Variants in SLC24A3 observed in about 807,000 individuals in gnomAD.
SLC24A3 encodes the protein sodium/potassium/calcium exchanger 3.
In SLC24A3, 28 loss-of-function variants were observed where a neutral mutation model predicts 75.8. The observed-to-expected ratio is 0.37, with a 90% CI of 0.27 to 0.51. SLC24A3 has a LOEUF of 0.51. SLC24A3 is among the 20% of genes least tolerant of loss of function. The probability of loss-of-function intolerance (pLI) is 0.94; values close to 1 mark genes in which losing one functional copy is unlikely to be tolerated. For synonymous variants in SLC24A3, 372 were observed against 334.1 expected, an observed-to-expected ratio of 1.11 and a Z score of -1.24; for missense variants, 663 against 847.8, an observed-to-expected ratio of 0.78 and a Z score of 2.71.
Position 19,654,095 on chromosome 20 carries a change from G to T in SLC24A3, c.646G>T (p.Asp216Tyr). Residue 216 changes from aspartate to tyrosine, a missense_variant, in exon 7 of 17, where the codon GAT (aspartate) becomes TAT (tyrosine). Asp to Tyr is a radical substitution (Grantham distance 160). This residue lies in a region of SLC24A3 where 510 missense variants were observed against 703.6 expected (regional missense o/e 0.72). Transcript: ENST00000328041. ...VALSSWCLLR[D>Y]SIYYTLSVIA... ...TCTTTCCTCCTGGTGCCTGCTGAGG[G>T]ATTCTATTTACTACACGCTGTCTGT... 1.2e-6 allele frequency: 2 copies of T among 1,613,780 alleles called. No homozygotes were observed. The highest frequency in any genetic ancestry group is 1.7e-6 in the Non-Finnish European group (2 of 1,179,804).
intron 2 of SLC24A3, among the ~76,000 whole-genome samples, chr20:19,326,607 T>C (rs1984870320): frequency 6.7e-6 from 1 of 150,256 alleles, no homozygotes; most frequent in South Asian, 2.1e-4. Flanking sequence ...AGATAGTGTC[T>C]CCCTTGGTCT....
At chr20:19,514,142 C>T (rs1044353898) in intron 2 of SLC24A3, among the ~76,000 whole-genome samples, 4 of 152,198 alleles carry the variant, frequency 2.6e-5, no homozygotes, top group African/African-American at 9.6e-5. Context: ...AAGCAGTGAC[C>T]GATGGCTTGT....
chr20:19,284,126 G>A (rs1288833270), intron 2 of SLC24A3: 1 of 153,110 alleles, frequency 6.5e-6, no homozygotes, highest in Non-Finnish European at 1.5e-5. Flanking sequence ...GTGAGCCCTG[G>A]TTACCTCCAT....
At chr20:19,303,943 C>T (rs1363867999) in intron 2 of SLC24A3, among the ~76,000 whole-genome samples, 10 of 152,274 alleles carry the variant, frequency 6.6e-5, no homozygotes, top group East Asian at 5.8e-4. Context: ...ATTACAACCA[C>T]CTTGAGGTTG....
At chr20:19,667,543 C>T (rs111906145) in intron 8 of SLC24A3, among the ~76,000 whole-genome samples, 3,309 of 152,310 alleles carry the variant, frequency 0.022, 117 homozygotes, top group African/African-American at 0.076. Flanking sequence ...GCTAATGACA[C>T]TCCCCAAAAG....
At chr20:19,552,042 A>ACCTCCCACCTAAAAGAGTTTAGTTT (rs2030704819) in intron 3 of SLC24A3, among the ~76,000 whole-genome samples, 1 of 151,982 alleles carries the variant, frequency 6.6e-6, no homozygotes, top group Non-Finnish European at 1.5e-5. Context: ...CAGTTTAGTT[A>ACCTCCCACCTAAAAGAGTTTAGTTT]CCTCCCACCT....
chr20:19,641,038 C>T (rs1258769301), intron 6 of SLC24A3, among the ~76,000 whole-genome samples: 1 of 152,132 alleles, frequency 6.6e-6, no homozygotes, highest in Non-Finnish European at 1.5e-5. Context: ...TTTTAAAGTG[C>T]AGTAATTAGA....
intron 3 of SLC24A3, among the ~76,000 whole-genome samples, chr20:19,551,711 ACT>A: frequency 6.6e-6 from 1 of 151,958 alleles, no homozygotes; most frequent in Non-Finnish European, 1.5e-5. Context: ...TGACTGAGAC[ACT>A]CTGGCAGAAG....
At chr20:19,594,524 G>A (rs1272098855) in intron 6 of SLC24A3, among the ~76,000 whole-genome samples, 1 of 152,252 alleles carries the variant, frequency 6.6e-6, no homozygotes, top group Admixed American at 6.5e-5. Context: ...TCTTTGGGCA[G>A]TAAGCTCATT....
chr20:19,704,298 T>C (rs974017660), intron 15 of SLC24A3, among the ~76,000 whole-genome samples: 1 of 152,130 alleles, frequency 6.6e-6, no homozygotes, highest in African/African-American at 2.4e-5. Flanking sequence ...GCAAAAAGAA[T>C]AGCTAGAATT....
chr20:19,311,261 A>T (rs1192233725), intron 2 of SLC24A3, among the ~76,000 whole-genome samples: 1 of 152,190 alleles, frequency 6.6e-6, no homozygotes, highest in Non-Finnish European at 1.5e-5. Context: ...AGAGAACCCC[A>T]GGCTTGCAGT....
intron 6 of SLC24A3, among the ~76,000 whole-genome samples, chr20:19,649,739 C>T (rs1293509341): frequency 6.6e-6 from 1 of 152,128 alleles, no homozygotes; most frequent in Non-Finnish European, 1.5e-5. Flanking sequence ...GCCTGTTTTT[C>T]ACCTTTGCCT....
At chr20:19,581,848 G>A (rs776397629) in intron 4 of SLC24A3, among the ~76,000 whole-genome samples, 18 of 152,190 alleles carry the variant, frequency 1.2e-4, no homozygotes, top group Admixed American at 3.9e-4. Flanking sequence ...AGGTCATGGT[G>A]GTGTTAGAAC....
At chr20:19,220,494 G>A (rs945774936) in intron 1 of SLC24A3, among the ~76,000 whole-genome samples, 1 of 152,176 alleles carries the variant, frequency 6.6e-6, no homozygotes, top group Admixed American at 6.5e-5. Flanking sequence ...CAAAAGGGGT[G>A]GGATAAGGGA....
chr20:19,399,298 G>A (rs1016956119), intron 2 of SLC24A3, among the ~76,000 whole-genome samples: 1 of 151,774 alleles, frequency 6.6e-6, no homozygotes, highest in African/African-American at 2.4e-5. Flanking sequence ...TACTTCCTTT[G>A]AGTTTTATTT....
intron 9 of SLC24A3, among the ~76,000 whole-genome samples, chr20:19,680,931 G>A (rs2032606923): frequency 6.6e-6 from 1 of 152,196 alleles, no homozygotes; most frequent in Non-Finnish European, 1.5e-5. Flanking sequence ...CATGCCTATG[G>A]GAGGCCGGAG....
chr20:19,533,934 C>A (rs1224854246), intron 3 of SLC24A3, among the ~76,000 whole-genome samples: 1 of 152,224 alleles, frequency 6.6e-6, no homozygotes, highest in African/African-American at 2.4e-5. Flanking sequence ...TTGGCCTTAG[C>A]CCTGTCCTGG....
At chr20:19,415,644 T>TAAA (rs11481890) in intron 2 of SLC24A3, among the ~76,000 whole-genome samples, 1 of 143,298 alleles carries the variant, frequency 7.0e-6, no homozygotes. Context: ...CAATAAAGCT[T>TAAA]AAAAAAAAAA....
At chr20:19,491,257 A>G (rs1217421392) in intron 2 of SLC24A3, among the ~76,000 whole-genome samples, 1 of 152,140 alleles carries the variant, frequency 6.6e-6, no homozygotes. Context: ...TCCTCTGAAT[A>G]TGCTTCTCAT....
Sources: allele counts gnomAD v4.1 joint callset (sites outside exome capture counted in the v4.1 genomes callset), GRCh38; gene constraint gnomAD v4.1.1; regional missense constraint gnomAD v4.1.1; transcripts MANE v1.5; gene names NCBI Gene and HGNC (gene_info 2026-07-23, HGNC 2026-07-21).